Variants in BTD observed in about 807,000 individuals in gnomAD.
The protein encoded by BTD is biocytinase.
BTD carries 13 observed loss-of-function variants against 17.7 expected under a neutral mutation model. The observed-to-expected ratio is 0.74, with a 90% CI of 0.48 to 1.17. BTD has a LOEUF of 1.17. Ranked by LOEUF, BTD falls within the 50% of genes most tolerant of loss-of-function variation. The probability of loss-of-function intolerance (pLI) is 0.00; values close to 1 mark genes in which losing one functional copy is unlikely to be tolerated. For synonymous variants in BTD, 240 were observed against 245.2 expected (o/e 0.98, Z 0.20); for missense variants, 674 against 650.4 (o/e 1.04, Z -0.39).
chr3:15,694,228 A>G (rs988631425), intron 3 of BTD, among the ~76,000 whole-genome samples: 2 of 152,134 alleles, frequency 1.3e-5, no homozygotes, highest in Non-Finnish European at 2.9e-5. Flanking sequence ...AAAAATTTAG[A>G]GGAATCTTAA....
intron 3 of BTD, among the ~76,000 whole-genome samples, chr3:15,642,960 A>G (rs1007771171): frequency 6.7e-6 from 1 of 150,354 alleles, no homozygotes; most frequent in Non-Finnish European, 1.5e-5. Flanking sequence ...CCTGGGAGGC[A>G]GGAGTTGCGG....
intron 3 of BTD, among the ~76,000 whole-genome samples, chr3:15,687,344 T>C (rs1448751358): frequency 3.3e-5 from 5 of 151,962 alleles, no homozygotes; most frequent in Non-Finnish European, 7.4e-5. Context: ...TATATATATA[T>C]ATACATACAG....
intron 1 of BTD, among the ~76,000 whole-genome samples, chr3:15,610,402 G>C (rs1381246275): frequency 1.3e-5 from 2 of 152,180 alleles, no homozygotes; most frequent in Non-Finnish European, 2.9e-5. Context: ...ATGTGGCTGG[G>C]CTCAGACTCT....
At position 15,653,145 on chromosome 3, in the gene BTD, A is replaced by T. The variant is rs2065832855; in HGVS notation, c.*7657A>T. 6.6e-6 allele frequency among the ~76,000 whole-genome samples: 1 copy of T among 152,198 alleles called. No homozygotes were observed. Among genetic ancestry groups the T allele is most frequent in the African/African-American group, 2.4e-5 (1 of 41,430 alleles). ...GCAGCAGCACCAGTAGCACCTGGGA[A>T]ATTGTTGGAAATGCAAATTCTTGGG... On this transcript the variant is annotated 3_prime_UTR_variant, in exon 4 of 4. Coordinates refer to ENST00000643237, the MANE Select transcript of BTD (RefSeq NM_001370658.1).
Position 15,685,975 on chromosome 3 carries a change from G to A in BTD, c.400-24085G>A, listed in dbSNP as rs766862444. On this transcript the variant is annotated intron_variant, in intron 3 of 3. Coordinates refer to the BTD transcript ENST00000672141. Reference sequence around the variant, plus strand: ...TAATATGAGGTCATAAAAGCTTTTTGAAAGGAAAGAGCATATTTCTGCTTA... The same window carrying A: ...TAATATGAGGTCATAAAAGCTTTTTAAAAGGAAAGAGCATATTTCTGCTTA... 2.5e-6 allele frequency: 4 copies of A among 1,581,044 alleles called. No individual in the cohort carries two copies. In the South Asian group the frequency reaches 4.5e-5, roughly 18 times the overall value.
intron 3 of BTD, among the ~76,000 whole-genome samples, chr3:15,691,370 G>A (rs957260709): frequency 1.5e-4 from 23 of 152,010 alleles, no homozygotes; most frequent in Non-Finnish European, 2.5e-4. Flanking sequence ...TGATCCGCCC[G>A]CCTCGGCCTC....
chr3:15,676,042 C>T (rs1319134550), intron 3 of BTD: 1 of 1,412,268 alleles, frequency 7.1e-7, no homozygotes, highest in South Asian at 1.3e-5. Flanking sequence ...CATGCACATA[C>T]ACATACACAC....
Position 15,649,457 on chromosome 3 carries a change from C to T in BTD, c.*3969C>T, listed in dbSNP as rs1194355051. On this transcript the variant is annotated 3_prime_UTR_variant, in exon 4 of 4. Coordinates refer to ENST00000643237, the MANE Select transcript of BTD (RefSeq NM_001370658.1). The stretch of plus-strand genomic sequence containing the variant: ...CATTGGGTACCATCCTGCAGGTGGG[C>T]TGCCACTCTGCTCAATCCAAATCAC... Among the ~76,000 whole-genome samples, 1 of 152,238 alleles carries T rather than the reference C, an allele frequency of 6.6e-6. No homozygotes were observed. Among genetic ancestry groups the T allele is most frequent in the Non-Finnish European group, 1.5e-5 (1 of 68,038 alleles).
At chr3:15,642,454 CTTTTTTTT>C (rs34597886) in intron 3 of BTD, among the ~76,000 whole-genome samples, 1 of 135,780 alleles carries the variant, frequency 7.4e-6, no homozygotes, top group Non-Finnish European at 1.6e-5. Context: ...TTGACATCCT[CTTTTTTTT>C]TTTTTTTTTT....
intron 3 of BTD, among the ~76,000 whole-genome samples, chr3:15,694,472 C>G (rs1009600685): frequency 4.6e-5 from 7 of 151,778 alleles, no homozygotes; most frequent in Non-Finnish European, 1.0e-4. Context: ...TTCTCCCTTT[C>G]TCTCCCCAGA....
intron 3 of BTD, chr3:15,679,205 A>T: frequency 8.5e-7 from 1 of 1,183,408 alleles, no homozygotes; most frequent in South Asian, 1.3e-5. Context: ...CCTGGCTTCA[A>T]GTCATCCTCC....
chr3:15,621,204 A>T (rs2064942798), intron 1 of BTD, among the ~76,000 whole-genome samples: 1 of 152,226 alleles, frequency 6.6e-6, no homozygotes, highest in Non-Finnish European at 1.5e-5. Flanking sequence ...CCTCATGCTG[A>T]TCACAAGCAC....
exon 4 of BTD, among the ~76,000 whole-genome samples, chr3:15,712,485 C>T (rs941770822): frequency 6.6e-6 from 1 of 152,312 alleles, no homozygotes; most frequent in African/African-American, 2.4e-5. Context: ...TCTGTGCATA[C>T]AGGCTTACAG....
At chr3:15,673,983 C>T (rs951757848) in intron 3 of BTD, among the ~76,000 whole-genome samples, 1 of 151,132 alleles carries the variant, frequency 6.6e-6, no homozygotes, top group African/African-American at 2.4e-5. Flanking sequence ...CAAGACCGGC[C>T]TGGACAATAT....
intron 3 of BTD, chr3:15,679,591 A>G (rs770485912): frequency 6.4e-7 from 1 of 1,573,634 alleles, no homozygotes; most frequent in Admixed American, 1.8e-5. Flanking sequence ...ACCAGGTATT[A>G]AAATTCAAAG....
chr3:15,605,483 G>A (rs539341412), intron 1 of BTD, among the ~76,000 whole-genome samples: 1 of 152,142 alleles, frequency 6.6e-6, no homozygotes, highest in South Asian at 2.1e-4. Flanking sequence ...ACCATATCAG[G>A]GACCCATCTC....
In BTD at chr3:15,692,421, G is replaced by A. The variant is rs983695955; in HGVS notation, c.400-17639G>A. Among the ~76,000 whole-genome samples, 3 of 152,184 alleles carry A rather than the reference G, an allele frequency of 2.0e-5. No individual in the cohort carries two copies. In the East Asian group the frequency reaches 5.8e-4, roughly 29 times the overall value. On this transcript the variant is annotated intron_variant, in intron 3 of 3. Coordinates refer to the BTD transcript ENST00000672141. ...GCCGTGATTGTGCCACTACACTCCAGCCTGGATGACAGAGTGAGACAATGA... is the reference window on the plus strand; with the variant it reads ...GCCGTGATTGTGCCACTACACTCCAACCTGGATGACAGAGTGAGACAATGA...
chr3:15,683,000 G>A (rs2067699943), intron 3 of BTD, among the ~76,000 whole-genome samples: 1 of 152,176 alleles, frequency 6.6e-6, no homozygotes, highest in Non-Finnish European at 1.5e-5. Context: ...CGTGCTTAGA[G>A]TCTAAATTTA....
At chr3:15,695,466 T>C (rs554853102) in intron 3 of BTD, among the ~76,000 whole-genome samples, 2 of 152,316 alleles carry the variant, frequency 1.3e-5, no homozygotes, top group African/African-American at 4.8e-5. Context: ...CTAAGTGCTA[T>C]ATTAAATTGT....
Sources: gnomAD v4.1 joint callset for allele counts (sites outside exome capture counted in the v4.1 genomes callset) on GRCh38, gnomAD v4.1.1 for gene constraint, MANE v1.5 for transcripts, NCBI Gene and HGNC (gene_info 2026-07-23, HGNC 2026-07-21) for gene names.